PLCH1: variants seen among roughly 807,000 people sequenced by gnomAD.
PLCH1 encodes 1-phosphatidylinositol 4,5-bisphosphate phosphodiesterase eta-1.
PLCH1 carries 60 observed loss-of-function variants against 126.7 expected under a neutral mutation model. The observed-to-expected ratio is 0.47, with a 90% CI of 0.38 to 0.59. The LOEUF (loss-of-function observed/expected upper bound fraction) is 0.59, where lower values mean the gene tolerates loss of function less well. Among genes scored for constraint, PLCH1 ranks in the 20% least tolerant of loss-of-function variants. PLCH1 has a pLI of 0.00. For synonymous variants in PLCH1, 719 were observed against 734.9 expected (o/e 0.98, Z 0.35); for missense variants, 1,723 against 2,040.0 (o/e 0.84, Z 2.99).
At chr3:155,457,620 C>A (rs1177385770) in intron 21 of PLCH1, 3 of 152,090 alleles carry the variant, frequency 2.0e-5, no homozygotes, top group Non-Finnish European at 4.4e-5. Flanking sequence ...GCACTTAGTA[C>A]ATTATATTAA....
chr3:155,647,282 A>T (rs896808043), intron 2 of PLCH1, among the ~76,000 whole-genome samples: 1 of 152,034 alleles, frequency 6.6e-6, no homozygotes, highest in Non-Finnish European at 1.5e-5. Flanking sequence ...CATAAAAACA[A>T]GCATTTGTCC....
intron 12 of PLCH1, among the ~76,000 whole-genome samples, chr3:155,513,200 A>T (rs1719841823): frequency 6.6e-6 from 1 of 152,216 alleles, no homozygotes. Context: ...CCTCGTCTCA[A>T]CAGTAACTTG....
At chr3:155,465,384 G>C (rs1712889069) in intron 21 of PLCH1, among the ~76,000 whole-genome samples, 1 of 152,098 alleles carries the variant, frequency 6.6e-6, no homozygotes, top group African/African-American at 2.4e-5. Context: ...CCCTGGGCTA[G>C]AGGGAACCTG....
intron 11 of PLCH1, among the ~76,000 whole-genome samples, chr3:155,520,528 TAG>T (rs2108275873): frequency 6.6e-6 from 1 of 152,234 alleles, no homozygotes; most frequent in South Asian, 2.1e-4. Flanking sequence ...AAAACAGATT[TAG>T]AGAGCACAAG....
chr3:155,509,119 T>C lies in PLCH1; in HGVS notation c.1633-4493A>G, dbSNP rs1413093990. On this transcript the variant is annotated intron_variant, in intron 12 of 22. Transcript: ENST00000460012. Reference sequence around the variant, plus strand: ...TGTCGAGGAATGTATCCATTTCTTCTAGATTTTCTAGTTTATTTGCGTAGA... The same window carrying C: ...TGTCGAGGAATGTATCCATTTCTTCCAGATTTTCTAGTTTATTTGCGTAGA... Among the ~76,000 whole-genome samples, 7 of 141,332 alleles carry C rather than the reference T, an allele frequency of 5.0e-5. 1 individual carries two copies. Among genetic ancestry groups the C allele is most frequent in the Non-Finnish European group, 1.1e-4 (7 of 66,226 alleles). 92.7% of individuals were successfully genotyped at this position (141,332 alleles called of 152,430 possible).
chr3:155,558,842 G>A (rs1021679915), intron 8 of PLCH1, among the ~76,000 whole-genome samples: 1 of 152,094 alleles, frequency 6.6e-6, no homozygotes, highest in African/African-American at 2.4e-5. Flanking sequence ...ACACACACTG[G>A]TGTCTCTGTG....
intron 2 of PLCH1, among the ~76,000 whole-genome samples, chr3:155,686,689 A>G (rs1205852029): frequency 6.6e-6 from 1 of 152,168 alleles, no homozygotes; most frequent in Non-Finnish European, 1.5e-5. Flanking sequence ...TGATTCATCA[A>G]TCAAATACTT....
At chr3:155,653,416 ACTGTCCAAATGC>A (rs1311181504) in intron 2 of PLCH1, among the ~76,000 whole-genome samples, 1 of 152,030 alleles carries the variant, frequency 6.6e-6, no homozygotes, top group Admixed American at 6.6e-5. Flanking sequence ...CTTTATTTGA[ACTGTCCAAATGC>A]CTTCCTTATG....
chr3:155,477,230 C>T (rs1357474813), downstream of PLCH1, among the ~76,000 whole-genome samples: 3 of 152,062 alleles, frequency 2.0e-5, no homozygotes, highest in South Asian at 2.1e-4. Flanking sequence ...CCCTACCTCT[C>T]GCCATATACA....
chr3:155,460,633 T>C (rs1002279759), intron 21 of PLCH1, among the ~76,000 whole-genome samples: 15 of 152,152 alleles, frequency 9.9e-5, no homozygotes, highest in Non-Finnish European at 1.9e-4. Flanking sequence ...CCTCCCAAGA[T>C]GAACTGCAGA....
chr3:155,616,005 G>T (rs1488393723), intron 2 of PLCH1, among the ~76,000 whole-genome samples: 11 of 151,980 alleles, frequency 7.2e-5, no homozygotes, highest in Admixed American at 7.2e-4. Context: ...TGCTTCTATG[G>T]CTTTTGATAA....
intron 2 of PLCH1, among the ~76,000 whole-genome samples, chr3:155,675,378 T>G (rs889608065): frequency 1.3e-4 from 20 of 152,230 alleles, no homozygotes; most frequent in African/African-American, 4.6e-4. Flanking sequence ...TTTCAATTTC[T>G]AATCTCCTAA....
At chr3:155,716,740 T>C (rs1477371534) in intron 1 of PLCH1, among the ~76,000 whole-genome samples, 1 of 152,156 alleles carries the variant, frequency 6.6e-6, no homozygotes, top group African/African-American at 2.4e-5. Context: ...AAATTACAAG[T>C]GAACATGAGA....
At chr3:155,491,173 G>A (rs1716121954) in intron 18 of PLCH1, among the ~76,000 whole-genome samples, 1 of 152,200 alleles carries the variant, frequency 6.6e-6, no homozygotes, top group African/African-American at 2.4e-5. Context: ...AATGCTGAGA[G>A]CAGCTGTATC....
At chr3:155,728,919 C>G (rs1412855658) in intron 1 of PLCH1, among the ~76,000 whole-genome samples, 2 of 152,196 alleles carry the variant, frequency 1.3e-5, no homozygotes, top group East Asian at 3.8e-4. Flanking sequence ...TTGATTGCAT[C>G]TGAAGATGTT....
intron 1 of PLCH1, among the ~76,000 whole-genome samples, chr3:155,727,391 C>CTTT (rs55862258): frequency 1.4e-5 from 2 of 141,648 alleles, no homozygotes; most frequent in African/African-American, 2.6e-5. Flanking sequence ...GTACGAAATC[C>CTTT]TTTTTTTTTT....
chr3:155,536,364 A>T (rs925875992), intron 10 of PLCH1, among the ~76,000 whole-genome samples: 1 of 152,248 alleles, frequency 6.6e-6, no homozygotes, highest in African/African-American at 2.4e-5. Flanking sequence ...GAAGGTTGAT[A>T]ATTAAGCTAC....
intron 4 of PLCH1, among the ~76,000 whole-genome samples, chr3:155,588,806 G>A (rs1183937536): frequency 6.6e-6 from 1 of 151,974 alleles, no homozygotes; most frequent in Non-Finnish European, 1.5e-5. Context: ...TGTGACAGTG[G>A]GTTACTCATA....
At chr3:155,600,601 C>T (rs1249250830) in intron 2 of PLCH1, among the ~76,000 whole-genome samples, 1 of 70,040 alleles carries the variant, frequency 1.4e-5, no homozygotes, top group African/African-American at 5.8e-5. Context: ...CTTAAGATAG[C>T]TAAAAAAAAA....
Sources: gnomAD v4.1 joint callset for allele counts (sites outside exome capture counted in the v4.1 genomes callset) on GRCh38, gnomAD v4.1.1 for gene constraint, MANE v1.5 for transcripts, NCBI Gene and HGNC (gene_info 2026-07-23, HGNC 2026-07-21) for gene names.